The following CDH4 variants were observed in gnomAD, a reference collection of about 807,000 sequenced individuals.
CDH4 encodes cadherin-4.
In CDH4, 33 loss-of-function variants were observed where a neutral mutation model predicts 86.0. The observed-to-expected ratio is 0.38, with a 90% CI of 0.29 to 0.51. The LOEUF is 0.51. Ranked by LOEUF, CDH4 falls within the 20% of genes least tolerant of loss-of-function variation. The pLI is 0.86. For synonymous variants in CDH4, 555 were observed against 549.4 expected (o/e 1.01, Z -0.14); for missense variants, 1,114 against 1,307.4 (o/e 0.85, Z 2.28).
intron 3 of CDH4, among the ~76,000 whole-genome samples, chr20:61,764,973 G>A (rs1352567976): frequency 6.6e-6 from 1 of 152,208 alleles, no homozygotes; most frequent in Non-Finnish European, 1.5e-5. Flanking sequence ...CAGTTGATTA[G>A]GGCTTAATGG....
intron 2 of CDH4, among the ~76,000 whole-genome samples, chr20:61,615,294 G>A (rs1436029337): frequency 6.6e-6 from 1 of 151,960 alleles, no homozygotes; most frequent in Non-Finnish European, 1.5e-5. Context: ...GCTAATTTTT[G>A]TATTTTTAGC....
At chr20:61,301,135 G>A (rs571873953) in intron 2 of CDH4, among the ~76,000 whole-genome samples, 16 of 152,366 alleles carry the variant, frequency 1.1e-4, no homozygotes, top group Admixed American at 7.8e-4. Context: ...CCCTCAGCCC[G>A]CTTCACAGAT....
chr20:61,753,413 A>G (rs1266415619), intron 3 of CDH4, among the ~76,000 whole-genome samples: 1 of 152,188 alleles, frequency 6.6e-6, no homozygotes, highest in Non-Finnish European at 1.5e-5. Flanking sequence ...CTCTCTTAGC[A>G]ACTATTTAAA....
chr20:61,324,089 A>G (rs1416057640), intron 2 of CDH4, among the ~76,000 whole-genome samples: 1 of 152,154 alleles, frequency 6.6e-6, no homozygotes, highest in African/African-American at 2.4e-5. Context: ...ACTGGCTGCC[A>G]AGGGTGTGGG....
chr20:61,314,822 C>G (rs1363527441), intron 2 of CDH4, among the ~76,000 whole-genome samples: 2 of 152,192 alleles, frequency 1.3e-5, no homozygotes, highest in Non-Finnish European at 2.9e-5. Flanking sequence ...AGTAGCCGTC[C>G]TAACAAGTGT....
At chr20:61,624,998 G>T (rs968370149) in intron 2 of CDH4, among the ~76,000 whole-genome samples, 1 of 152,162 alleles carries the variant, frequency 6.6e-6, no homozygotes, top group Non-Finnish European at 1.5e-5. Context: ...AATTATAATC[G>T]CAGACACATT....
At chr20:61,792,583 T>C (rs1314333388) in intron 4 of CDH4, among the ~76,000 whole-genome samples, 1 of 152,168 alleles carries the variant, frequency 6.6e-6, no homozygotes. Context: ...CTATTGTCTC[T>C]TAGTCCACCC....
chr20:61,454,440 G>A (rs2085396640), intron 2 of CDH4, among the ~76,000 whole-genome samples: 1 of 152,062 alleles, frequency 6.6e-6, no homozygotes, highest in African/African-American at 2.4e-5. Flanking sequence ...CAGGGAGGGA[G>A]GGGCATTTTT....
intron 14 of CDH4, among the ~76,000 whole-genome samples, chr20:61,933,583 C>G (rs938545149): frequency 6.6e-6 from 1 of 152,220 alleles, no homozygotes; most frequent in Non-Finnish European, 1.5e-5. Context: ...TCCTTAAACC[C>G]GTCTAAAGCT....
At chr20:61,928,483 G>A in intron 12 of CDH4, 60 bp downstream of exon 12, 1 of 1,459,040 alleles carries the variant, frequency 6.9e-7, no homozygotes, top group Non-Finnish European at 9.5e-7. Flanking sequence ...GCCCCTGGGA[G>A]ACCCAGCTGG....
intron 2 of CDH4, among the ~76,000 whole-genome samples, chr20:61,662,834 C>T (rs1461695746): frequency 6.6e-6 from 1 of 152,202 alleles, no homozygotes; most frequent in Non-Finnish European, 1.5e-5. Context: ...ACACAGTGCC[C>T]TGCCCTCCTA....
chr20:61,847,527 C>T (rs368179565), intron 5 of CDH4, among the ~76,000 whole-genome samples: 22 of 152,136 alleles, frequency 1.4e-4, no homozygotes, highest in Admixed American at 4.6e-4. Context: ...CCTGCCATGC[C>T]GTGCAAACAT....
chr20:61,623,446 A>G lies in CDH4; in HGVS notation c.170-120117A>G, dbSNP rs1036867104. Among the ~76,000 whole-genome samples the G allele has an allele frequency of 1.1e-4, 17 of 152,188 alleles. No individual in the cohort carries two copies. Among genetic ancestry groups the G allele is most frequent in the Admixed American group, 3.9e-4 (6 of 15,282 alleles). ...GCTAATTTCACATTGTCTTCTTTAT[A>G]TAGATTACACCTTCCAAAGCCTTCA... On this transcript the variant is annotated intron_variant, in intron 2 of 15. Coordinates refer to ENST00000614565, the MANE Select transcript of CDH4 (RefSeq NM_001794.5). The surrounding 1 kb of genome is among the most constrained non-coding windows in gnomAD (Gnocchi z 4.4).
intron 4 of CDH4, among the ~76,000 whole-genome samples, chr20:61,791,405 C>CT (rs1979193952): frequency 6.6e-6 from 1 of 152,210 alleles, no homozygotes; most frequent in South Asian, 2.1e-4. Context: ...CAGATTTCTC[C>CT]TTAGAGGAAA....
At chr20:61,686,700 T>C (rs1171249675) in intron 2 of CDH4, among the ~76,000 whole-genome samples, 3 of 151,808 alleles carry the variant, frequency 2.0e-5, no homozygotes, top group Non-Finnish European at 4.4e-5. Flanking sequence ...CATGTGTGTA[T>C]GTGCGTGTGC....
chr20:61,524,051 CCGTGACTCCATCTGTCT>C (rs1476318219), intron 2 of CDH4, among the ~76,000 whole-genome samples: 1 of 152,204 alleles, frequency 6.6e-6, no homozygotes, highest in Non-Finnish European at 1.5e-5. Context: ...AGCATGGCAG[CCGTGACTCCATCTGTCT>C]CTAAACATTT....
At chr20:61,859,159 T>A (rs1233973458) in intron 6 of CDH4, among the ~76,000 whole-genome samples, 1 of 152,202 alleles carries the variant, frequency 6.6e-6, no homozygotes, top group African/African-American at 2.4e-5. Context: ...TGGCAAATGG[T>A]GCTGAGTGTC....
chr20:61,866,792 T>C (rs1983568723), intron 6 of CDH4, among the ~76,000 whole-genome samples: 1 of 152,118 alleles, frequency 6.6e-6, no homozygotes, highest in African/African-American at 2.4e-5. Flanking sequence ...TTCTCAAAAG[T>C]GTGTCATTTG....
chr20:61,543,216 A>C (rs1050528517), intron 2 of CDH4, among the ~76,000 whole-genome samples: 48 of 152,200 alleles, frequency 3.2e-4, no homozygotes, highest in Admixed American at 2.6e-3. Context: ...CAACGCCCTC[A>C]CAGACACACC....
Sources: gnomAD v4.1 joint callset for allele counts (sites outside exome capture counted in the v4.1 genomes callset) on GRCh38, gnomAD v4.1.1 for gene constraint, Gnocchi (gnomAD v3.1) non-coding constraint, MANE v1.5 for transcripts, NCBI Gene and HGNC (gene_info 2026-07-23, HGNC 2026-07-21) for gene names.